Variants in AKAP11 observed in about 807,000 individuals in gnomAD.
AKAP11 encodes A-kinase anchoring protein 11, also known as A-kinase anchor protein 11.
Under a neutral mutation model 146.1 loss-of-function variants are expected in AKAP11, and 36 were observed. That is an observed-to-expected ratio of 0.25 (90% CI 0.19 to 0.33). The LOEUF (loss-of-function observed/expected upper bound fraction) is 0.33, where lower values mean the gene tolerates loss of function less well. Ranked by LOEUF, AKAP11 falls within the 10% of genes least tolerant of loss-of-function variation. AKAP11 has a pLI of 1.00. For synonymous variants in AKAP11, 780 were observed against 786.5 expected, an observed-to-expected ratio of 0.99 and a Z score of 0.14; for missense variants, 2,201 against 2,197.0, an observed-to-expected ratio of 1.00 and a Z score of -0.04.
chr13:42,301,042 G>A lies in AKAP11; in HGVS notation c.2296G>A (p.Val766Met). 6.2e-7 allele frequency: 1 copy of A among 1,614,134 alleles called. No homozygotes were observed. Reference sequence around the variant, plus strand: ...GCAGGAATATAAAAAGGAATACACAGTGCAGCAGGCCTTGTTTTGTACTTC... The same window carrying A: ...GCAGGAATATAAAAAGGAATACACAATGCAGCAGGCCTTGTTTTGTACTTC... Reference protein sequence around the residue: ...PVQEYKKEYTVQQALFCTSGI... With the variant: ...PVQEYKKEYTMQQALFCTSGI... The change falls in exon 8 of 13, where the codon GTG becomes ATG. Residue 766 changes from valine to methionine, a missense_variant. This residue lies in a region of AKAP11 where 1,867 missense variants were observed against 1,833.5 expected (regional missense o/e 1.02). Coordinates refer to ENST00000025301, the MANE Select transcript of AKAP11 (RefSeq NM_016248.4).
At chr13:42,278,941 T>C (rs932434110) in intron 1 of AKAP11, among the ~76,000 whole-genome samples, 72 of 152,218 alleles carry the variant, frequency 4.7e-4, no homozygotes, top group East Asian at 1.5e-3. Flanking sequence ...CTTTTTTTTT[T>C]TTCTTCTTCT....
Position 42,307,173 on chromosome 13 carries a change from T to A in AKAP11, c.5118-1281T>A, listed in dbSNP as rs117902080. ...AACAAAGTAGTAATCTATCAATGGTTCAGAACTATAATGTGCCTATGCTTG... is the reference window on the plus strand; with the variant it reads ...AACAAAGTAGTAATCTATCAATGGTACAGAACTATAATGTGCCTATGCTTG... On this transcript the variant is annotated intron_variant, in intron 8 of 12. Coordinates refer to ENST00000025301, the MANE Select transcript of AKAP11 (RefSeq NM_016248.4). Among the ~76,000 whole-genome samples, 645 of 152,262 alleles carry A rather than the reference T, an allele frequency of 4.2e-3. 13 individuals are homozygous for A. In the East Asian group the frequency reaches 0.046, roughly 11 times the overall value.
At position 42,308,032 on chromosome 13, in the gene AKAP11, T is replaced by C. The variant is rs146185747; in HGVS notation, c.5118-422T>C. ...TGAATACAGGCTTGGTTGACAATAC[T>C]AGAATTTCTTGAACGACTTTTTTGT... On this transcript the variant is annotated intron_variant, in intron 8 of 12. Coordinates refer to ENST00000025301, the MANE Select transcript of AKAP11 (RefSeq NM_016248.4). Among the ~76,000 whole-genome samples the C allele has an allele frequency of 3.9e-3, 591 of 152,344 alleles. 3 individuals carry two copies. The highest frequency in any genetic ancestry group is 0.013 in the African/African-American group (539 of 41,582).
At position 42,301,718 on chromosome 13, in the gene AKAP11, C is replaced by A. The variant is rs774185217; in HGVS notation, c.2972C>A (p.Ser991Tyr). 1 of 1,614,140 alleles carries A rather than the reference C, an allele frequency of 6.2e-7. No individual in the cohort carries two copies. The highest frequency in any genetic ancestry group is 1.7e-5 in the Admixed American group (1 of 60,022). ...GAAAAGTCTCCCAAATTTCCTGACT[C>A]TCAGAATCAGTTAACTCACTGCTCA... is the stretch of plus-strand genomic sequence containing the variant. ...TPEKSPKFPD[S>Y]QNQLTHCSLS... Residue 991 changes from serine to tyrosine, a missense_variant, in exon 8 of 13, where the codon TCT (serine) becomes TAT (tyrosine). Ser to Tyr is a moderately radical substitution (Grantham distance 144). Around this residue, in one of 3 missense-constraint regions of AKAP11, gnomAD observed 1,867 missense variants for 1,833.5 expected, o/e 1.02. Coordinates refer to ENST00000025301, the MANE Select transcript of AKAP11 (RefSeq NM_016248.4).
intron 1 of AKAP11, among the ~76,000 whole-genome samples, chr13:42,273,136 A>G (rs951417853): frequency 5.3e-5 from 8 of 152,208 alleles, no homozygotes; most frequent in South Asian, 2.1e-4. Context: ...CAGCTTTTCA[A>G]TCGCTTGCAA....
chr13:42,314,018 C>A, intron 11 of AKAP11, 78 bp downstream of exon 11: 1 of 1,395,032 alleles, frequency 7.2e-7, no homozygotes, highest in Non-Finnish European at 1.0e-6. Flanking sequence ...GCATTTTCAT[C>A]AGATAGGCTC....
intron 1 of AKAP11, among the ~76,000 whole-genome samples, chr13:42,275,417 A>G (rs1793036220): frequency 6.6e-6 from 1 of 152,362 alleles, no homozygotes; most frequent in East Asian, 1.9e-4. Flanking sequence ...AGTTGGCTGG[A>G]GAGTGAGGAA....
In AKAP11 at chr13:42,306,833, A is replaced by G. The variant is rs9562394; in HGVS notation, c.5118-1621A>G. Among the ~76,000 whole-genome samples, 2,087 of 152,208 alleles carry G rather than the reference A, an allele frequency of 0.014. 130 individuals carry two copies. The East Asian group carries it at 0.21, about 15-fold the overall frequency. ...CAATTGGGAAATTATGTGATAGTACATTTTTATTCATTTTTGTTTGTTGTT... is the reference window on the plus strand; with the variant it reads ...CAATTGGGAAATTATGTGATAGTACGTTTTTATTCATTTTTGTTTGTTGTT... On this transcript the variant is annotated intron_variant, in intron 8 of 12. Coordinates refer to ENST00000025301, the MANE Select transcript of AKAP11 (RefSeq NM_016248.4).
chr13:42,276,507 A>G (rs115586611), intron 1 of AKAP11, among the ~76,000 whole-genome samples: 1,623 of 152,190 alleles, frequency 0.011, 21 homozygotes, highest in African/African-American at 0.037. Flanking sequence ...TGGCCTCCCA[A>G]TGTGCTGGGA....
rs139388454 is a variant in AKAP11 at position 42,302,074 on chromosome 13, C to T, written c.3328C>T (p.Arg1110Trp). 461 of 1,614,136 alleles carry T rather than the reference C, an allele frequency of 2.9e-4. No individual in the cohort carries two copies. Among genetic ancestry groups the T allele is most frequent in the Admixed American group, 1.1e-3 (69 of 60,012 alleles). ...TPPSTPLVPS[R>W]ASSEWDIKKL... is the part of the protein sequence containing the mutation. Reference sequence around the variant, plus strand: ...TCCATCAACTCCTCTAGTACCATCCCGGGCTAGTTCTGAATGGGATATCAA... The same window carrying T: ...TCCATCAACTCCTCTAGTACCATCCTGGGCTAGTTCTGAATGGGATATCAA... Residue 1110 changes from arginine (R) to tryptophan (W), a missense_variant, in exon 8 of 13, where the codon CGG (arginine) becomes TGG (tryptophan). This residue lies in a region of AKAP11 where 1,867 missense variants were observed against 1,833.5 expected (regional missense o/e 1.02). Coordinates refer to ENST00000025301, the MANE Select transcript of AKAP11 (RefSeq NM_016248.4).
chr13:42,275,450 T>A (rs1038883198), intron 1 of AKAP11, among the ~76,000 whole-genome samples: 1 of 152,238 alleles, frequency 6.6e-6, no homozygotes, highest in African/African-American at 2.4e-5. Flanking sequence ...GAAAAATGGA[T>A]GAGGAAGAGA....
chr13:42,276,199 C>T (rs1958913294), intron 1 of AKAP11, among the ~76,000 whole-genome samples: 1 of 152,016 alleles, frequency 6.6e-6, no homozygotes, highest in African/African-American at 2.4e-5. Flanking sequence ...TCTCTGACCC[C>T]AAGTAAATCT....
chr13:42,304,109 A>T (rs1960126679), intron 8 of AKAP11, among the ~76,000 whole-genome samples: 1 of 152,214 alleles, frequency 6.6e-6, no homozygotes. Context: ...TGGAGAAAAT[A>T]ATCACCTTAT....
At chr13:42,279,343 T>C (rs1279216338) in intron 1 of AKAP11, among the ~76,000 whole-genome samples, 2 of 152,168 alleles carry the variant, frequency 1.3e-5, no homozygotes, top group Non-Finnish European at 2.9e-5. Context: ...ACTCCAGTTA[T>C]TCACCTTTTA....
chr13:42,288,093 C>T (rs1959180056), intron 3 of AKAP11, among the ~76,000 whole-genome samples: 1 of 152,226 alleles, frequency 6.6e-6, no homozygotes, highest in Admixed American at 6.5e-5. Flanking sequence ...ACACATACAC[C>T]ACCTTCTACA....
chr13:42,305,260 A>G (rs1258915474), intron 8 of AKAP11, among the ~76,000 whole-genome samples: 5 of 152,234 alleles, frequency 3.3e-5, no homozygotes, highest in Non-Finnish European at 5.9e-5. Context: ...TGTTAAAGCC[A>G]TGACATGGTC....
In AKAP11 at chr13:42,297,029, T is replaced by G; in HGVS notation, c.217-19T>G. ...AGTGTTACTCTACAGTGTTACTTAT[T>G]GTTATTATTTTAAATCAGGATTTAG... On this transcript the variant is annotated intron_variant, in intron 5 of 12. Coordinates refer to ENST00000025301, the MANE Select transcript of AKAP11 (RefSeq NM_016248.4). The G allele has an allele frequency of 6.3e-7, 1 of 1,586,852 alleles. No individual in the cohort carries two copies. Among genetic ancestry groups the G allele is most frequent in the Non-Finnish European group, 8.6e-7 (1 of 1,169,582 alleles).
chr13:42,305,441 G>T (rs9645938), intron 8 of AKAP11, among the ~76,000 whole-genome samples: 19,433 of 152,064 alleles, frequency 0.13, 1,382 homozygotes, highest in South Asian at 0.2. Flanking sequence ...TAGACCAGGG[G>T]TTGGCAAACT....
At position 42,302,735 on chromosome 13, in the gene AKAP11, G is replaced by A. The variant is rs757189068; in HGVS notation, c.3989G>A (p.Gly1330Asp). 7.4e-6 allele frequency: 12 copies of A among 1,613,960 alleles called. No homozygotes were observed. The highest frequency in any genetic ancestry group is 6.7e-5 in the Admixed American group (4 of 59,986). ...LSLPPSSCMSGLMYKYPSCES... is the reference protein window; with the variant it reads ...LSLPPSSCMSDLMYKYPSCES... ...TTACCACCAAGTTCTTGTATGTCAGGTCTGATGTATAAGTATCCCAGCTGT... is the reference window on the plus strand; with the variant it reads ...TTACCACCAAGTTCTTGTATGTCAGATCTGATGTATAAGTATCCCAGCTGT... The change falls in exon 8 of 13, where the codon GGT becomes GAT. Residue 1330 changes from glycine (G) to aspartate (D), a missense_variant. Physicochemically the swap from Gly to Asp is moderately conservative, Grantham distance 94 (BLOSUM62 -1). Coordinates refer to ENST00000025301, the MANE Select transcript of AKAP11 (RefSeq NM_016248.4).
Sources: allele counts gnomAD v4.1 joint callset (sites outside exome capture counted in the v4.1 genomes callset), GRCh38; gene constraint gnomAD v4.1.1; regional missense constraint gnomAD v4.1.1; transcripts MANE v1.5; gene names NCBI Gene and HGNC (gene_info 2026-07-23, HGNC 2026-07-21).